The following ABHD12 variants were observed in gnomAD, a reference collection of about 807,000 sequenced individuals.
The protein encoded by ABHD12 is abhydrolase domain containing 12, lysophospholipase.
ABHD12 carries 43 observed loss-of-function variants against 58.3 expected under a neutral mutation model. That is an observed-to-expected ratio of 0.74 (90% CI 0.58 to 0.95). The LOEUF (loss-of-function observed/expected upper bound fraction) is 0.95. Ranked by LOEUF, ABHD12 falls within the 40% of genes least tolerant of loss-of-function variation. The pLI is 0.00. For synonymous variants in ABHD12, 219 were observed against 211.2 expected (o/e 1.04, Z -0.32); for missense variants, 539 against 537.2 (o/e 1.00, Z -0.03).
At chr20:25,345,983 A>C (rs1200814600) in intron 1 of ABHD12, among the ~76,000 whole-genome samples, 1 of 152,220 alleles carries the variant, frequency 6.6e-6, no homozygotes, top group African/African-American at 2.4e-5. Context: ...AAAAACTTGT[A>C]AACAGACATT....
chr20:25,384,969 G>A (rs2090069455), intron 1 of ABHD12, among the ~76,000 whole-genome samples: 1 of 152,078 alleles, frequency 6.6e-6, no homozygotes, highest in South Asian at 2.1e-4. Flanking sequence ...GTGTGTGTAT[G>A]TGTGTGTGTA....
At chr20:25,372,431 C>A (rs1311062264) in intron 1 of ABHD12, among the ~76,000 whole-genome samples, 1 of 152,132 alleles carries the variant, frequency 6.6e-6, no homozygotes, top group Non-Finnish European at 1.5e-5. Context: ...ACTGGAACTC[C>A]TGGGCTCAAG....
At chr20:25,296,226 G>T (rs1419547744), downstream of ABHD12, 1 of 1,006,106 alleles carries the variant, frequency 9.9e-7, no homozygotes, top group Non-Finnish European at 1.5e-6. Flanking sequence ...CAACGAACAA[G>T]TGATTGTAAT....
At chr20:25,301,532 A>G (rs1329177118) in intron 12 of ABHD12, among the ~76,000 whole-genome samples, 1 of 152,236 alleles carries the variant, frequency 6.6e-6, no homozygotes, top group South Asian at 2.1e-4. Context: ...GCCTTGTCCC[A>G]TGCACAGGGA....
intron 1 of ABHD12, among the ~76,000 whole-genome samples, chr20:25,380,649 C>A (rs915122616): frequency 6.6e-6 from 1 of 152,160 alleles, no homozygotes; most frequent in Admixed American, 6.5e-5. Context: ...GCAGATCAGG[C>A]TTTCTTCTGC....
chr20:25,356,972 C>T (rs553094322), intron 1 of ABHD12, among the ~76,000 whole-genome samples: 311 of 152,234 alleles, frequency 2.0e-3, no homozygotes, highest in African/African-American at 6.9e-3. Context: ...CTGCTCTCTA[C>T]AAATGAACAA....
At chr20:25,329,451 T>C (rs1415695941) in intron 2 of ABHD12, among the ~76,000 whole-genome samples, 2 of 149,102 alleles carry the variant, frequency 1.3e-5, no homozygotes, top group African/African-American at 2.6e-5. Flanking sequence ...CAGTTTTCAT[T>C]GTCCACCCTC....
intron 1 of ABHD12, among the ~76,000 whole-genome samples, chr20:25,378,170 A>G (rs544946630): frequency 1.3e-5 from 2 of 152,344 alleles, no homozygotes; most frequent in East Asian, 3.9e-4. Context: ...GTCTTTAAGA[A>G]AGGATAAATG....
chr20:25,328,305 G>A (rs981826063), intron 2 of ABHD12, among the ~76,000 whole-genome samples: 2 of 152,194 alleles, frequency 1.3e-5, no homozygotes, highest in African/African-American at 4.8e-5. Flanking sequence ...TTGGGAGCCT[G>A]AGAGCTGCAG....
chr20:25,384,334 T>C (rs1483409224), intron 1 of ABHD12, among the ~76,000 whole-genome samples: 1 of 144,500 alleles, frequency 6.9e-6, no homozygotes. Flanking sequence ...TGGTTTGGGG[T>C]TTTTTTTTTA....
chr20:25,383,954 CAAAAAAAAAAAAAA>C (rs1201588127), intron 1 of ABHD12, among the ~76,000 whole-genome samples: 2 of 53,374 alleles, frequency 3.7e-5, no homozygotes, highest in Non-Finnish European at 8.1e-5. Flanking sequence ...GACTCTTTCT[CAAAAAAAAAAAAAA>C]AAAAAAGAAA....
chr20:25,303,657 G>T, intron 10 of ABHD12, 29 bp from the exon 11 acceptor site: 2 of 1,612,788 alleles, frequency 1.2e-6, no homozygotes, highest in South Asian at 2.2e-5. Context: ...GCTAGACCAA[G>T]ACCAGGGAAA....
intron 1 of ABHD12, among the ~76,000 whole-genome samples, chr20:25,353,819 CCTT>C (rs2089633573): frequency 6.6e-6 from 1 of 152,228 alleles, no homozygotes; most frequent in South Asian, 2.1e-4. Flanking sequence ...GCCTTCCTGG[CCTT>C]TCCTTCTGTC....
chr20:25,314,774 CA>C (rs1464867403), intron 6 of ABHD12, 150 bp downstream of exon 6: 23 of 872,420 alleles, frequency 2.6e-5, no homozygotes, highest in Non-Finnish European at 3.8e-5. Flanking sequence ...ACAGCTCCAT[CA>C]GGGTCTTTGT....
intron 1 of ABHD12, among the ~76,000 whole-genome samples, chr20:25,365,184 T>A (rs2089803332): frequency 6.6e-6 from 1 of 152,264 alleles, no homozygotes; most frequent in South Asian, 2.1e-4. Flanking sequence ...AAAGGTCATA[T>A]GTTTACATAG....
chr20:25,317,880 AGGGCGGG>A, intron 4 of ABHD12, among the ~76,000 whole-genome samples: 1 of 152,014 alleles, frequency 6.6e-6, no homozygotes, highest in African/African-American at 2.4e-5. Flanking sequence ...ACCTGGGAGG[AGGGCGGG>A]TCCACACTCT....
intron 10 of ABHD12, among the ~76,000 whole-genome samples, chr20:25,306,215 A>T (rs1171449607): frequency 1.3e-5 from 2 of 152,100 alleles, no homozygotes; most frequent in African/African-American, 4.8e-5. Flanking sequence ...CAACCAGTTA[A>T]TATCACTGTT....
At position 25,372,677 on chromosome 20, in the gene ABHD12, G is replaced by A. The variant is rs897208666; in HGVS notation, c.191+17836C>T. 7.2e-5 allele frequency among the ~76,000 whole-genome samples: 11 copies of A among 152,152 alleles called. 1 individual carries two copies. Among genetic ancestry groups the A allele is most frequent in the Admixed American group, 3.9e-4 (6 of 15,278 alleles). ...GCATAATAGCATTTCAGCCAACAGT[G>A]GACCACTTATACAATGGTTGTCCCA... On this transcript the variant is annotated intron_variant, in intron 1 of 12. Coordinates refer to ENST00000339157, the MANE Select transcript of ABHD12 (RefSeq NM_001042472.3).
chr20:25,349,094 A>G (rs2089562525), intron 1 of ABHD12, among the ~76,000 whole-genome samples: 1 of 151,816 alleles, frequency 6.6e-6, no homozygotes, highest in Admixed American at 6.6e-5. Context: ...AAAAAAAAAA[A>G]AAAAAGAAAA....
Sources: allele counts gnomAD v4.1 joint callset (sites outside exome capture counted in the v4.1 genomes callset), GRCh38; gene constraint gnomAD v4.1.1; transcripts MANE v1.5; gene names NCBI Gene and HGNC (gene_info 2026-07-23, HGNC 2026-07-21).